Variants in TENM3 observed in about 807,000 individuals in gnomAD.
TENM3 encodes teneurin-3.
In TENM3, 63 loss-of-function variants were observed where a neutral mutation model predicts 255.1. The ratio of observed to expected loss-of-function variants is 0.25; its 90% CI spans 0.20 to 0.30. TENM3 has a LOEUF of 0.30. Ranked by LOEUF, TENM3 falls within the 10% of genes least tolerant of loss-of-function variation. The pLI is 1.00. For missense variants in TENM3, 2,929 were observed against 3,461.1 expected, an observed-to-expected ratio of 0.85 and a Z score of 3.86; for synonymous variants, 1,306 against 1,322.3, an observed-to-expected ratio of 0.99 and a Z score of 0.27.
Position 182,631,460 on chromosome 4 carries a change from C to A in TENM3, c.988+2571C>A, listed in dbSNP as rs542554145. ...TATTTTTAATCAGGTAAAAAAATTTCATTCGCTCATCAGTTCGCATGGTAA... is the reference window on the plus strand; with the variant it reads ...TATTTTTAATCAGGTAAAAAAATTTAATTCGCTCATCAGTTCGCATGGTAA... On this transcript the variant is annotated intron_variant, in intron 5 of 27. Coordinates refer to ENST00000511685, the MANE Select transcript of TENM3 (RefSeq NM_001080477.4). The A allele has an allele frequency of 1.2e-4, 19 of 152,318 alleles. 1 individual carries two copies. The East Asian group carries it at 3.7e-3, about 29-fold the overall frequency. The allele number at this position is 152,318 out of a possible 1,614,324, so 9.4% of individuals were successfully genotyped here. A position where few individuals can be genotyped will look rare whatever the true frequency, so the allele number is the denominator to read the frequency against.
At chr4:182,555,838 T>C (rs1261814470) in intron 3 of TENM3, among the ~76,000 whole-genome samples, 2 of 152,154 alleles carry the variant, frequency 1.3e-5, no homozygotes, top group African/African-American at 4.8e-5. Flanking sequence ...AATTACTTTT[T>C]TTTTTTCTAC....
the TENM3 span, among the ~76,000 whole-genome samples, chr4:181,708,691 A>T: frequency 1.3e-5 from 2 of 152,166 alleles, no homozygotes; most frequent in African/African-American, 4.8e-5. Flanking sequence ...GCCTTTAAAA[A>T]AAAAGTACTG....
the TENM3 span, among the ~76,000 whole-genome samples, chr4:181,922,313 C>T: frequency 6.6e-6 from 1 of 152,156 alleles, no homozygotes; most frequent in Non-Finnish European, 1.5e-5. Flanking sequence ...GGAATGGTAC[C>T]AATTCCTCCT....
At chr4:181,952,765 G>A in the TENM3 span, among the ~76,000 whole-genome samples, 2 of 152,232 alleles carry the variant, frequency 1.3e-5, no homozygotes, top group African/African-American at 2.4e-5. Context: ...CCTCAGATTC[G>A]GAGATCAGTT....
intron 3 of TENM3, among the ~76,000 whole-genome samples, chr4:182,463,547 T>C (rs1330677876): frequency 6.6e-6 from 1 of 151,640 alleles, no homozygotes; most frequent in African/African-American, 2.4e-5. Flanking sequence ...CTCTGCTCAC[T>C]GCAAACTCCA....
chr4:182,346,330 A>C (rs1333203950), intron 2 of TENM3, among the ~76,000 whole-genome samples: 1 of 152,114 alleles, frequency 6.6e-6, no homozygotes, highest in African/African-American at 2.4e-5. Context: ...TGCTAAACAA[A>C]ATTCTATCAT....
chr4:182,137,487 T>A, the TENM3 span, among the ~76,000 whole-genome samples: 2 of 152,226 alleles, frequency 1.3e-5, no homozygotes, highest in Non-Finnish European at 2.9e-5. Context: ...ATAATACAGA[T>A]CCAGGGTTGG....
At chr4:181,592,883 T>G in the TENM3 span, among the ~76,000 whole-genome samples, 2 of 152,222 alleles carry the variant, frequency 1.3e-5, no homozygotes, top group Non-Finnish European at 2.9e-5. Flanking sequence ...CTTTTGCTGT[T>G]AACACAGATG....
chr4:182,270,244 T>C (rs969348338), intron 1 of TENM3, among the ~76,000 whole-genome samples: 2 of 152,168 alleles, frequency 1.3e-5, no homozygotes, highest in Non-Finnish European at 2.9e-5. Context: ...TAATCCCAGC[T>C]GTATTAATGG....
rs1182165619 is a variant in TENM3 at position 182,287,860 on chromosome 4, G to A, written c.-75-36086G>A. ...TCTCGAACTCCTGACCTCGTGATCC[G>A]CCCACCTCACCCTCCCAAAGTGCTG... On this transcript the variant is annotated intron_variant, in intron 1 of 27. Transcript: ENST00000511685. Among the ~76,000 whole-genome samples, 11 of 151,516 alleles carry A rather than the reference G, an allele frequency of 7.3e-5. No individual in the cohort carries two copies. The East Asian group carries it at 9.8e-4, about 13-fold the overall frequency.
intron 3 of TENM3, among the ~76,000 whole-genome samples, chr4:182,482,572 A>T (rs563878132): frequency 6.6e-6 from 1 of 152,348 alleles, no homozygotes; most frequent in South Asian, 2.1e-4. Flanking sequence ...TACAAGAAAA[A>T]TTGAAAATAA....
At chr4:181,959,354 C>G in the TENM3 span, among the ~76,000 whole-genome samples, 2 of 152,146 alleles carry the variant, frequency 1.3e-5, no homozygotes, top group East Asian at 3.9e-4. Context: ...AAGCTGGGGG[C>G]AGCCTCTGTT....
intron 3 of TENM3, among the ~76,000 whole-genome samples, chr4:182,470,536 A>T (rs1309643932): frequency 6.6e-6 from 1 of 152,206 alleles, no homozygotes; most frequent in Non-Finnish European, 1.5e-5. Context: ...TGAGGAAAGG[A>T]GAGGGAAAAA....
chr4:182,345,288 G>T (rs544911697), intron 2 of TENM3, among the ~76,000 whole-genome samples: 10 of 152,172 alleles, frequency 6.6e-5, no homozygotes, highest in African/African-American at 2.4e-4. Flanking sequence ...TTGTCCATTA[G>T]GTTTGATTTA....
At chr4:181,474,448 A>G in the TENM3 span, among the ~76,000 whole-genome samples, 1 of 152,108 alleles carries the variant, frequency 6.6e-6, no homozygotes, top group African/African-American at 2.4e-5. Context: ...ATGTAAAGAA[A>G]GTTTCTGGCT....
chr4:182,594,111 T>C (rs919134977), intron 3 of TENM3, among the ~76,000 whole-genome samples: 1 of 152,196 alleles, frequency 6.6e-6, no homozygotes, highest in Non-Finnish European at 1.5e-5. Context: ...TCAAATTCCT[T>C]CCTGTGTGAG....
At chr4:182,160,158 A>G (rs558691799) in intron 1 of TENM3, among the ~76,000 whole-genome samples, 18 of 149,212 alleles carry the variant, frequency 1.2e-4, no homozygotes, top group South Asian at 1.1e-3. Flanking sequence ...GCCCGCCACC[A>G]CGCCTGGCTA....
the TENM3 span, among the ~76,000 whole-genome samples, chr4:181,871,157 T>A: frequency 2.0e-5 from 3 of 151,820 alleles, no homozygotes. Flanking sequence ...AAGAACACTG[T>A]AGTCTTGATA....
At chr4:182,051,327 G>A in the TENM3 span, among the ~76,000 whole-genome samples, 1 of 148,126 alleles carries the variant, frequency 6.8e-6, no homozygotes, top group Non-Finnish European at 1.5e-5. Context: ...TGGGCGACAA[G>A]AGCAAAACTA....
Sources: gnomAD v4.1 joint callset for allele counts (sites outside exome capture counted in the v4.1 genomes callset) on GRCh38, gnomAD v4.1.1 for gene constraint, MANE v1.5 for transcripts, NCBI Gene and HGNC (gene_info 2026-07-23, HGNC 2026-07-21) for gene names.